The following CCDC180 variants were observed in gnomAD, a reference collection of about 807,000 sequenced individuals.
CCDC180 encodes the protein coiled-coil domain containing 180.
In CCDC180, 154 loss-of-function variants were observed where a neutral mutation model predicts 209.2. That is an observed-to-expected ratio of 0.74 (90% CI 0.65 to 0.84). The LOEUF (loss-of-function observed/expected upper bound fraction) is 0.84. CCDC180 is among the 40% of genes least tolerant of loss of function. CCDC180 has a pLI of 0.00. For synonymous variants in CCDC180, 778 were observed against 749.1 expected (o/e 1.04, Z -0.63); for missense variants, 1,874 against 1,997.3 (o/e 0.94, Z 1.18).
Position 97,345,608 on chromosome 9 carries a change from G to A in CCDC180, c.2499-1706G>A, listed in dbSNP as rs78711759. ...GGAATTAATTATATATTCTGTAGCCGGGCATGGTGGTGTGTGCCTGTAATT... is the reference window on the plus strand; with the variant it reads ...GGAATTAATTATATATTCTGTAGCCAGGCATGGTGGTGTGTGCCTGTAATT... On this transcript the variant is annotated intron_variant, in intron 19 of 36. Transcript: ENST00000529487. The A allele has an allele frequency of 1.1e-3, 467 of 409,070 alleles. 1 individual carries two copies. The highest frequency in any genetic ancestry group is 8.8e-3 in the African/African-American group (406 of 46,006). 25.3% of individuals were successfully genotyped at this position (409,070 alleles called of 1,614,324 possible). A position where few individuals can be genotyped will look rare whatever the true frequency, so the allele number is the denominator to read the frequency against.
chr9:97,340,968 C>A (rs958000886), intron 18 of CCDC180, among the ~76,000 whole-genome samples: 6 of 152,250 alleles, frequency 3.9e-5, no homozygotes, highest in Admixed American at 1.3e-4. Context: ...CCATCCTGTA[C>A]ACCTGGTTCT....
At chr9:97,350,661 C>A in intron 22 of CCDC180, 106 bp downstream of exon 22, 2 of 1,196,098 alleles carry the variant, frequency 1.7e-6, no homozygotes, top group Non-Finnish European at 2.3e-6. Flanking sequence ...AACGTAACAT[C>A]AAACTTAACA....
chr9:97,333,061 G>C (rs1234924320), intron 18 of CCDC180, among the ~76,000 whole-genome samples: 1 of 152,014 alleles, frequency 6.6e-6, no homozygotes, highest in African/African-American at 2.4e-5. Flanking sequence ...GTTTGTTGAG[G>C]GTTTTTAACA....
intron 28 of CCDC180, 151 bp from the exon 29 acceptor site, chr9:97,363,900 C>T (rs560417600): frequency 1.6e-4 from 111 of 673,468 alleles, no homozygotes; most frequent in Non-Finnish European, 2.6e-4. Context: ...AGAAGGGAAA[C>T]GCCCCAAAGG....
chr9:97,312,675 C>A (rs1459902769), intron 4 of CCDC180, among the ~76,000 whole-genome samples: 11 of 152,104 alleles, frequency 7.2e-5, no homozygotes, highest in Admixed American at 5.2e-4. Flanking sequence ...AAGAGAGTCA[C>A]CAGCCCCCAC....
chr9:97,358,983 G>T (rs1046851240), intron 25 of CCDC180, among the ~76,000 whole-genome samples: 9 of 152,112 alleles, frequency 5.9e-5, no homozygotes, highest in African/African-American at 2.2e-4. Context: ...AGCATAGTTT[G>T]CAGAATAAAT....
At position 97,361,843 on chromosome 9, in the gene CCDC180, G is replaced by A. The variant is rs759178274; in HGVS notation, c.3601G>A (p.Val1201Met). The A allele has an allele frequency of 1.9e-5, 31 of 1,614,166 alleles. No individual in the cohort carries two copies. The highest frequency in any genetic ancestry group is 5.0e-5 in the Admixed American group (3 of 60,020). ...TGAGTCCTTCACCCAGCTGAGCCGC[G>A]TGGGGAAGCCCCTGATTGAGGACCC... ...TPESFTQLSR[V>M]GKPLIEDPAV... The change falls in exon 27 of 37, where the codon GTG becomes ATG. Residue 1201 changes from valine (V) to methionine (M), a missense_variant. Coordinates refer to ENST00000529487, the MANE Select transcript of CCDC180 (RefSeq NM_020893.6).
intron 32 of CCDC180, 46 bp downstream of exon 32, chr9:97,370,128 TG>T (rs1440811913): frequency 8.8e-6 from 14 of 1,584,076 alleles, no homozygotes; most frequent in Non-Finnish European, 1.2e-5. Context: ...CCAGGGGAAC[TG>T]GGAGTTCAGA....
intron 15 of CCDC180, 150 bp downstream of exon 15, chr9:97,326,819 C>G: frequency 1.7e-6 from 1 of 574,484 alleles, no homozygotes; most frequent in Middle Eastern, 4.0e-4. Context: ...CTCTGCAGCT[C>G]TACTCTCAGC....
chr9:97,318,228 G>A (rs1021817638), intron 9 of CCDC180, among the ~76,000 whole-genome samples: 8 of 152,138 alleles, frequency 5.3e-5, no homozygotes, highest in Non-Finnish European at 8.8e-5. Context: ...TTGACCTGAC[G>A]ATCCCTCCAT....
intron 15 of CCDC180, among the ~76,000 whole-genome samples, chr9:97,327,680 A>G (rs1324485073): frequency 6.6e-6 from 1 of 152,154 alleles, no homozygotes; most frequent in African/African-American, 2.4e-5. Context: ...GAGAAATAGA[A>G]GTCTGGACCT....
chr9:97,360,246 A>G, intron 26 of CCDC180, 145 bp downstream of exon 26: 1 of 1,023,910 alleles, frequency 9.8e-7, no homozygotes. Flanking sequence ...TGCTGTGGAA[A>G]GATCACAAGC....
Position 97,354,723 on chromosome 9 carries a change from C to A in CCDC180, c.3147+10C>A, listed in dbSNP as rs1453563844. ...TGAGTACCTGGACCAGGTAGGGCCCCCAGCCAGGCCCCAGGCCAACCGGTT... is the reference window on the plus strand; with the variant it reads ...TGAGTACCTGGACCAGGTAGGGCCCACAGCCAGGCCCCAGGCCAACCGGTT... On this transcript the variant is annotated intron_variant, in intron 23 of 36. Transcript: ENST00000529487. 3 of 1,614,144 alleles carry A rather than the reference C, an allele frequency of 1.9e-6. No homozygotes were observed.
At chr9:97,368,268 TGATAAATTGAGTA>T (rs1826981818) in intron 31 of CCDC180, among the ~76,000 whole-genome samples, 1 of 151,956 alleles carries the variant, frequency 6.6e-6, no homozygotes, top group Non-Finnish European at 1.5e-5. Context: ...AAACTCTGAG[TGATAAATTGAGTA>T]GTAACCCTGG....
Position 97,330,411 on chromosome 9 carries a change from A to C in CCDC180, c.1918A>C (p.Ile640Leu), listed in dbSNP as rs1224776728. ...KEDMTRSEES[I>L]SSGTSTARSV... ...GGACATGACCAGAAGTGAGGAAAGC[A>C]TAAGTAGTGGGACAAGTACTGCCAG... The change falls in exon 18 of 37, where the codon ATA (isoleucine) becomes CTA (leucine). Residue 640 changes from isoleucine to leucine, a missense_variant. Coordinates refer to ENST00000529487, the MANE Select transcript of CCDC180 (RefSeq NM_020893.6). 6.2e-7 allele frequency: 1 copy of C among 1,614,206 alleles called. No homozygotes were observed. Among genetic ancestry groups the C allele is most frequent in the Non-Finnish European group, 8.5e-7 (1 of 1,180,036 alleles).
rs1340854631 is a variant in CCDC180 at position 97,362,178 on chromosome 9, C to A, written c.3657-18C>A. Reference sequence around the variant, plus strand: ...ATGGTCACCGGAGAAGAGCTCACACCCTTTCCTTTGGTTTCAGACTTCCCA... The same window carrying A: ...ATGGTCACCGGAGAAGAGCTCACACACTTTCCTTTGGTTTCAGACTTCCCA... On this transcript the variant is annotated intron_variant, in intron 27 of 36. Transcript: ENST00000529487. 1.9e-6 allele frequency: 3 copies of A among 1,605,884 alleles called. No homozygotes were observed. Among genetic ancestry groups the A allele is most frequent in the African/African-American group, 2.7e-5 (2 of 74,832 alleles).
At chr9:97,323,697 C>T in intron 12 of CCDC180, 84 bp from the exon 13 acceptor site, 4 of 1,446,242 alleles carry the variant, frequency 2.8e-6, no homozygotes, top group Non-Finnish European at 3.7e-6. Context: ...CTGACTTGTG[C>T]AACGCTGAGG....
At chr9:97,341,923 A>G (rs566484818) in intron 18 of CCDC180, among the ~76,000 whole-genome samples, 1 of 152,286 alleles carries the variant, frequency 6.6e-6, no homozygotes, top group South Asian at 2.1e-4. Flanking sequence ...TTGCCGCCTC[A>G]CAGTTCGATC....
At chr9:97,321,872 T>C (rs756339879) in intron 11 of CCDC180, among the ~76,000 whole-genome samples, 3 of 151,958 alleles carry the variant, frequency 2.0e-5, no homozygotes, top group African/African-American at 7.3e-5. Context: ...AGGGATACAG[T>C]GTACAGGGCC....
Sources: allele counts gnomAD v4.1 joint callset (sites outside exome capture counted in the v4.1 genomes callset), GRCh38; gene constraint gnomAD v4.1.1; transcripts MANE v1.5; gene names NCBI Gene and HGNC (gene_info 2026-07-23, HGNC 2026-07-21).